The following SORCS2 variants were observed in gnomAD, a reference collection of about 807,000 sequenced individuals.
SORCS2 encodes the protein sortilin related VPS10 domain containing receptor 2.
In SORCS2, 100 loss-of-function variants were observed where a neutral mutation model predicts 141.6. The observed-to-expected ratio is 0.71, with a 90% confidence interval of 0.60 to 0.83. SORCS2 has a LOEUF of 0.83. SORCS2 is among the 40% of genes least tolerant of loss of function. SORCS2 has a pLI of 0.00. For synonymous variants in SORCS2, 789 were observed against 676.9 expected, an observed-to-expected ratio of 1.17 and a Z score of -2.57; for missense variants, 1,646 against 1,560.2, an observed-to-expected ratio of 1.05 and a Z score of -0.93.
At chr4:7,459,412 G>A (rs1333238937) in intron 2 of SORCS2, among the ~76,000 whole-genome samples, 1 of 152,168 alleles carries the variant, frequency 6.6e-6, no homozygotes, top group African/African-American at 2.4e-5. Context: ...CCCAGCTGCT[G>A]AGTTTGAGCC....
intron 2 of SORCS2, among the ~76,000 whole-genome samples, chr4:7,492,799 A>G (rs1731393300): frequency 6.6e-6 from 1 of 152,252 alleles, no homozygotes; most frequent in Admixed American, 6.5e-5. Context: ...CCAGGCTTCC[A>G]GGAGTTAACA....
intron 2 of SORCS2, among the ~76,000 whole-genome samples, chr4:7,450,612 G>A (rs182999951): frequency 1.3e-5 from 2 of 152,350 alleles, no homozygotes; most frequent in Non-Finnish European, 2.9e-5. Context: ...TTCCCCAGCT[G>A]TCCAGGGCTC....
intron 3 of SORCS2, among the ~76,000 whole-genome samples, chr4:7,617,910 T>G (rs908716964): frequency 1.3e-5 from 2 of 152,088 alleles, no homozygotes; most frequent in African/African-American, 2.4e-5. Context: ...GCTGGGGCTT[T>G]CTTTCTGGGA....
chr4:7,503,471 C>T (rs571877408), intron 2 of SORCS2, among the ~76,000 whole-genome samples: 266 of 151,240 alleles, frequency 1.8e-3, no homozygotes, highest in African/African-American at 5.1e-3. Flanking sequence ...GAGACAGAGA[C>T]GGAGACATAG....
At chr4:7,601,258 G>A (rs1001805727) in intron 3 of SORCS2, among the ~76,000 whole-genome samples, 16 of 151,706 alleles carry the variant, frequency 1.1e-4, no homozygotes, top group Non-Finnish European at 1.8e-4. Context: ...TTTAGATGCT[G>A]TTTTGCCTAG....
At chr4:7,475,247 G>A (rs1328462918) in intron 2 of SORCS2, among the ~76,000 whole-genome samples, 1 of 152,200 alleles carries the variant, frequency 6.6e-6, no homozygotes, top group Non-Finnish European at 1.5e-5. Flanking sequence ...AGGCAGGAAG[G>A]AAGGACCTGG....
rs1727095844 is a variant in SORCS2, at chr4:7,195,155, G to T, written c.480+2029G>T. On this transcript the variant is annotated intron_variant, in intron 1 of 26. Coordinates refer to ENST00000507866, the MANE Select transcript of SORCS2 (RefSeq NM_020777.3). ...CTCCTCTGTGACTGGGTGGGCTTGC[G>T]TCCTCACTGCTGGCAGGTGTGTGTG... Among the ~76,000 whole-genome samples, 7 of 147,190 alleles carry T rather than the reference G, an allele frequency of 4.8e-5. No individual in the cohort carries two copies. In the South Asian group the frequency reaches 1.3e-3, roughly 28 times the overall value.
chr4:7,636,974 T>C (rs1720298400), intron 3 of SORCS2, among the ~76,000 whole-genome samples: 1 of 152,042 alleles, frequency 6.6e-6, no homozygotes. Context: ...TTCATGGCCG[T>C]GGTGATGTGC....
At chr4:7,596,662 G>A (rs1185733315) in intron 3 of SORCS2, among the ~76,000 whole-genome samples, 2 of 152,140 alleles carry the variant, frequency 1.3e-5, no homozygotes, top group South Asian at 2.1e-4. Flanking sequence ...TTTGGAAATC[G>A]GTCAAGAGCC....
At chr4:7,599,737 A>G (rs1216442633) in intron 3 of SORCS2, among the ~76,000 whole-genome samples, 2 of 151,982 alleles carry the variant, frequency 1.3e-5, no homozygotes, top group African/African-American at 4.8e-5. Context: ...GTGAAATTGC[A>G]GGGCAGGTGT....
Position 7,396,372 on chromosome 4 carries a change from G to T in SORCS2, c.548+17G>T, listed in dbSNP as rs1451642236. The T allele has an allele frequency of 1.2e-6, 2 of 1,613,336 alleles. No homozygotes were observed. Among genetic ancestry groups the T allele is most frequent in the Non-Finnish European group, 1.7e-6 (2 of 1,179,662 alleles). Reference sequence around the variant, plus strand: ...TCTGTGGCGGTAAGTCAGCCCGATGGCAGGCCTTTCTCTTATGCACCTGCG... The same window carrying T: ...TCTGTGGCGGTAAGTCAGCCCGATGTCAGGCCTTTCTCTTATGCACCTGCG... On this transcript the variant is annotated intron_variant, in intron 2 of 26. Transcript: ENST00000507866.
At chr4:7,589,124 T>C (rs1212231774) in intron 3 of SORCS2, among the ~76,000 whole-genome samples, 2 of 152,168 alleles carry the variant, frequency 1.3e-5, no homozygotes, top group Non-Finnish European at 2.9e-5. Flanking sequence ...GAGTTGGTTC[T>C]GAGTGCTCTC....
intron 1 of SORCS2, among the ~76,000 whole-genome samples, chr4:7,372,647 G>A (rs955092659): frequency 6.6e-6 from 1 of 152,142 alleles, no homozygotes; most frequent in East Asian, 1.9e-4. Context: ...AGTAAGTTTC[G>A]ATAAATGCAT....
intron 2 of SORCS2, among the ~76,000 whole-genome samples, chr4:7,508,790 G>T (rs577335153): frequency 6.6e-6 from 1 of 152,200 alleles, no homozygotes; most frequent in Admixed American, 6.5e-5. Flanking sequence ...GCTCAGAGAA[G>T]AGGCCCAGAG....
At chr4:7,434,150 G>C (rs1234266136) in intron 2 of SORCS2, 2 of 1,613,912 alleles carry the variant, frequency 1.2e-6, no homozygotes, top group Admixed American at 1.7e-5. Flanking sequence ...AGCTCCTGCG[G>C]GGGGAGAAGC....
intron 3 of SORCS2, among the ~76,000 whole-genome samples, chr4:7,536,672 CT>C (rs998130146): frequency 2.6e-5 from 4 of 152,184 alleles, no homozygotes; most frequent in African/African-American, 9.7e-5. Context: ...TGGGACACTT[CT>C]GGGAAAGATA....
At chr4:7,667,307 G>A (rs1185650962) in intron 8 of SORCS2, 94 bp downstream of exon 8, 7 of 1,175,028 alleles carry the variant, frequency 6.0e-6, no homozygotes, top group Non-Finnish European at 8.8e-6. Flanking sequence ...GTGCTTGGCG[G>A]TCCCAGGTCA....
intron 1 of SORCS2, among the ~76,000 whole-genome samples, chr4:7,239,164 C>G (rs899915247): frequency 6.6e-6 from 1 of 152,268 alleles, no homozygotes; most frequent in African/African-American, 2.4e-5. Flanking sequence ...GCTCCTGCCA[C>G]TCTCTGCAGA....
At chr4:7,408,594 G>A (rs892928116) in intron 2 of SORCS2, among the ~76,000 whole-genome samples, 18 of 152,000 alleles carry the variant, frequency 1.2e-4, no homozygotes, top group Admixed American at 7.9e-4. Context: ...TGTTTGGGTT[G>A]AATCTGTTTG....
Sources: allele counts gnomAD v4.1 joint callset (sites outside exome capture counted in the v4.1 genomes callset), GRCh38; gene constraint gnomAD v4.1.1; transcripts MANE v1.5; gene names NCBI Gene and HGNC (gene_info 2026-07-23, HGNC 2026-07-21).